CCT8: variants seen among roughly 807,000 people sequenced by gnomAD.
The protein encoded by CCT8 is T-complex protein 1 subunit theta.
A neutral mutation model predicts 65.7 loss-of-function variants in CCT8; 10 were observed. The ratio of observed to expected loss-of-function variants is 0.15; its 90% confidence interval spans 0.09 to 0.26. The LOEUF is 0.26. Among genes scored for constraint, CCT8 ranks in the 10% least tolerant of loss-of-function variants. CCT8 has a pLI of 1.00. For missense variants in CCT8, 568 were observed against 669.1 expected (o/e 0.85, Z 1.67); for synonymous variants, 199 against 221.8 (o/e 0.90, Z 0.92).
At chr21:29,062,684 G>T in intron 8 of CCT8, 128 bp from the exon 9 acceptor site, 1 of 724,774 alleles carries the variant, frequency 1.4e-6, no homozygotes, top group Non-Finnish European at 2.3e-6. Flanking sequence ...TTTTAACTCA[G>T]AACATGTCTG....
At chr21:29,057,744 C>A (rs533583794) in intron 14 of CCT8, among the ~76,000 whole-genome samples, 21 of 84,216 alleles carry the variant, frequency 2.5e-4, no homozygotes, top group African/African-American at 6.5e-4. Context: ...ATATATATAT[C>A]ATGTATATGT....
intron 1 of CCT8, chr21:29,072,180 T>C: frequency 1.9e-6 from 1 of 529,312 alleles, no homozygotes; most frequent in Non-Finnish European, 3.3e-6. Flanking sequence ...AAGTGTTCTG[T>C]CTATTCCTGA....
chr21:29,066,669 CA>C (rs753697370), intron 6 of CCT8, 46 bp downstream of exon 6: 10 of 1,237,226 alleles, frequency 8.1e-6, no homozygotes, highest in South Asian at 6.3e-5. Context: ...AAAAAGCACA[CA>C]AAAAAACTGA....
At chr21:29,065,918 T>TA (rs1222809964) in intron 6 of CCT8, among the ~76,000 whole-genome samples, 2 of 151,770 alleles carry the variant, frequency 1.3e-5, no homozygotes, top group Admixed American at 6.6e-5. Context: ...CTGCCTCTAC[T>TA]AAAAAAATAC....
chr21:29,072,078 AT>A (rs2085686905), intron 1 of CCT8: 1 of 642,264 alleles, frequency 1.6e-6, no homozygotes, highest in East Asian at 2.7e-5. Context: ...TGAGCCTGGC[AT>A]TTCCCCCTAA....
At chr21:29,064,162 A>G (rs1466279652) in intron 7 of CCT8, among the ~76,000 whole-genome samples, 1 of 151,876 alleles carries the variant, frequency 6.6e-6, no homozygotes, top group Non-Finnish European at 1.5e-5. Context: ...TGGTTCTCAA[A>G]CTTTTTCTAA....
chr21:29,060,607 G>C lies in CCT8; in HGVS notation c.1503C>G (p.Tyr501Ter), dbSNP rs1316170417. The part of the protein sequence containing the change: ...DMLEAGILDT[Y>*]LGKYWAIKLA... ...GTTTGATAGCCCAATATTTTCCCAGGTAAGTATCTAGAATACCAGCTTCCA... is the reference window on the plus strand; with the variant it reads ...GTTTGATAGCCCAATATTTTCCCAGCTAAGTATCTAGAATACCAGCTTCCA... Residue 501 changes from tyrosine to a stop codon, truncating the protein, a stop_gained, in exon 14 of 15, where the codon TAC becomes TAG. Coordinates refer to ENST00000286788, the MANE Select transcript of CCT8 (RefSeq NM_006585.4). LOFTEE classifies it high-confidence loss of function. 6.2e-7 allele frequency: 1 copy of C among 1,613,746 alleles called. No individual in the cohort carries two copies. The highest frequency in any genetic ancestry group is 1.7e-5 in the Admixed American group (1 of 60,012).
intron 7 of CCT8, among the ~76,000 whole-genome samples, chr21:29,064,409 T>TAAA (rs34760776): frequency 1.0e-3 from 27 of 26,718 alleles, no homozygotes; most frequent in South Asian, 2.1e-3. Context: ...AGCAAGACTC[T>TAAA]AAAAAAAAAA....
chr21:29,059,144 C>G (rs919636864), intron 14 of CCT8, among the ~76,000 whole-genome samples: 1 of 152,212 alleles, frequency 6.6e-6, no homozygotes, highest in Non-Finnish European at 1.5e-5. Flanking sequence ...ACTTTGAGAA[C>G]TAGTGAAATA....
intron 6 of CCT8, among the ~76,000 whole-genome samples, chr21:29,066,100 AAT>A (rs1390924635): frequency 1.1e-4 from 14 of 132,064 alleles, no homozygotes; most frequent in African/African-American, 2.5e-4. Context: ...AAAAAAAAAA[AAT>A]TTAGTATTTT....
At chr21:29,071,772 T>G (rs2085682795) in intron 1 of CCT8, among the ~76,000 whole-genome samples, 6 of 152,120 alleles carry the variant, frequency 3.9e-5, no homozygotes, top group Admixed American at 3.9e-4. Flanking sequence ...GCTTACACTC[T>G]TGCTTCTTCC....
chr21:29,066,734 G>C lies in CCT8; in HGVS notation c.606C>G (p.Ile202Met). 1.2e-6 allele frequency: 2 copies of C among 1,606,754 alleles called. No homozygotes were observed. Among genetic ancestry groups the C allele is most frequent in the Non-Finnish European group, 1.7e-6 (2 of 1,175,998 alleles). ...TACTTACCAGAATTTTACAAACTCT[G>C]ATGTTATCAACATTGAAATGGCCGG... ...PDSGHFNVDN[I>M]RVCKILGSGI... Residue 202 changes from isoleucine to methionine, a missense_variant, in exon 6 of 15, where the codon ATC (isoleucine) becomes ATG (methionine). By Grantham distance (10) the Ile-to-Met change is conservative. Coordinates refer to ENST00000286788, the MANE Select transcript of CCT8 (RefSeq NM_006585.4).
chr21:29,072,102 G>A, intron 1 of CCT8: 2 of 625,452 alleles, frequency 3.2e-6, no homozygotes, highest in Non-Finnish European at 5.7e-6. Flanking sequence ...AAGAGGTCGG[G>A]GGAAACAGCC....
chr21:29,062,788 T>C (rs946108849), intron 8 of CCT8: 10 of 556,470 alleles, frequency 1.8e-5, no homozygotes, highest in Admixed American at 3.3e-5. Flanking sequence ...CTGTGTTGTA[T>C]GGCATTGTTC....
intron 7 of CCT8, among the ~76,000 whole-genome samples, chr21:29,064,407 T>C (rs1382691987): frequency 6.8e-5 from 2 of 29,370 alleles, no homozygotes; most frequent in Admixed American, 5.0e-4. Flanking sequence ...AAAGCAAGAC[T>C]CTAAAAAAAA....
chr21:29,059,999 A>G (rs553104928), intron 14 of CCT8: 19 of 152,178 alleles, frequency 1.2e-4, no homozygotes, highest in African/African-American at 4.1e-4. Context: ...AATGTATTTA[A>G]TTAAGTTTGC....
intron 1 of CCT8, among the ~76,000 whole-genome samples, chr21:29,072,827 A>G (rs1330188907): frequency 6.6e-6 from 1 of 152,274 alleles, no homozygotes; most frequent in Non-Finnish European, 1.5e-5. Flanking sequence ...GCCATTAAAC[A>G]AAAGTGTTAT....
intron 1 of CCT8, among the ~76,000 whole-genome samples, chr21:29,072,469 C>G (rs994737160): frequency 1.3e-5 from 2 of 152,048 alleles, no homozygotes; most frequent in African/African-American, 4.8e-5. Flanking sequence ...GAAAAAAACC[C>G]AAATTGGAAG....
intron 14 of CCT8, chr21:29,059,933 A>G (rs2085544485): frequency 6.6e-6 from 1 of 152,208 alleles, no homozygotes; most frequent in South Asian, 2.1e-4. Flanking sequence ...AAAATTTTCT[A>G]TTAAGTACTT....
Sources: allele counts gnomAD v4.1 joint callset (sites outside exome capture counted in the v4.1 genomes callset), GRCh38; gene constraint gnomAD v4.1.1; transcripts MANE v1.5; gene names NCBI Gene and HGNC (gene_info 2026-07-23, HGNC 2026-07-21).